GRM7: variants seen among roughly 807,000 people sequenced by gnomAD.
GRM7 encodes the protein metabotropic glutamate receptor 7.
In GRM7, 35 loss-of-function variants were observed where a neutral mutation model predicts 84.5. The observed-to-expected ratio is 0.41, with a 90% confidence interval of 0.32 to 0.55. The LOEUF is 0.55. Ranked by LOEUF, GRM7 falls within the 20% of genes least tolerant of loss-of-function variation. The probability of loss-of-function intolerance (pLI) is 0.19; values close to 1 mark genes in which losing one functional copy is unlikely to be tolerated. For synonymous variants in GRM7, 487 were observed against 455.1 expected (o/e 1.07, Z -0.89); for missense variants, 1,003 against 1,194.6 (o/e 0.84, Z 2.36).
At chr3:7,248,402 C>T (rs1228581899) in intron 2 of GRM7, among the ~76,000 whole-genome samples, 1 of 152,060 alleles carries the variant, frequency 6.6e-6, no homozygotes, top group Admixed American at 6.6e-5. Context: ...CTATGACCTT[C>T]TTGAGCAGCT....
chr3:7,441,746 A>G (rs1280580545), intron 5 of GRM7, among the ~76,000 whole-genome samples: 1 of 152,066 alleles, frequency 6.6e-6, no homozygotes, highest in African/African-American at 2.4e-5. Context: ...TCCTTTTCCC[A>G]TTGGTCATTT....
intron 9 of GRM7, among the ~76,000 whole-genome samples, chr3:7,694,760 T>C (rs1156455637): frequency 6.6e-6 from 1 of 152,184 alleles, no homozygotes; most frequent in Admixed American, 6.5e-5. Flanking sequence ...TACTCAGATA[T>C]TTAAGGAAAC....
intron 1 of GRM7, among the ~76,000 whole-genome samples, chr3:6,878,091 T>C (rs950429089): frequency 6.6e-6 from 1 of 152,170 alleles, no homozygotes; most frequent in African/African-American, 2.4e-5. Context: ...AGTCCAGTTT[T>C]AATCTTTAAT....
At chr3:7,695,762 T>G (rs1197392667) in intron 9 of GRM7, among the ~76,000 whole-genome samples, 1 of 152,174 alleles carries the variant, frequency 6.6e-6, no homozygotes, top group African/African-American at 2.4e-5. Flanking sequence ...TTATTAGGAT[T>G]AGATTAGTTA....
chr3:7,146,634 T>C lies in GRM7; in HGVS notation c.702T>C (p.Gly234=). 6.2e-7 allele frequency: 1 copy of C among 1,613,590 alleles called. No homozygotes were observed. Among genetic ancestry groups the C allele is most frequent in the Non-Finnish European group, 8.5e-7 (1 of 1,179,822 alleles). ...LASEGSYGEK[G]VESFTQISKE... ...CGGAAGGAAGTTATGGAGAGAAAGGTGTGGAGTCCTTCACGCAGATTTCCA... is the reference window on the plus strand; with the variant it reads ...CGGAAGGAAGTTATGGAGAGAAAGGCGTGGAGTCCTTCACGCAGATTTCCA... Residue 234 remains glycine (G), a synonymous_variant, in exon 2 of 10, where the codon GGT becomes GGC. Transcript: ENST00000357716.
intron 1 of GRM7, among the ~76,000 whole-genome samples, chr3:6,892,246 A>T (rs1695985634): frequency 6.6e-6 from 1 of 152,200 alleles, no homozygotes; most frequent in Non-Finnish European, 1.5e-5. Flanking sequence ...GAATGATATG[A>T]GGAAGCAAGG....
At chr3:7,161,426 A>G (rs1043875718) in intron 2 of GRM7, among the ~76,000 whole-genome samples, 2 of 151,638 alleles carry the variant, frequency 1.3e-5, no homozygotes, top group Admixed American at 1.3e-4. Context: ...TGACCTGAAA[A>G]AAAAAAAAAA....
At chr3:6,919,898 G>A (rs771490092) in intron 1 of GRM7, among the ~76,000 whole-genome samples, 12 of 152,244 alleles carry the variant, frequency 7.9e-5, no homozygotes, top group South Asian at 2.1e-4. Flanking sequence ...GCTCAACCAG[G>A]TGAGGTGCTA....
intron 2 of GRM7, among the ~76,000 whole-genome samples, chr3:7,213,089 C>G (rs563843833): frequency 1.3e-5 from 2 of 152,332 alleles, no homozygotes; most frequent in South Asian, 2.1e-4. Context: ...CCCCCATGCT[C>G]TCACTGAGCT....
chr3:7,470,518 T>C (rs917548337), intron 7 of GRM7, among the ~76,000 whole-genome samples: 1 of 152,182 alleles, frequency 6.6e-6, no homozygotes, highest in Non-Finnish European at 1.5e-5. Context: ...TTTCTATGAA[T>C]GTCTGCAAGA....
chr3:7,670,716 A>T (rs1302506484), intron 8 of GRM7, among the ~76,000 whole-genome samples: 1 of 364 alleles, frequency 2.7e-3, no homozygotes, highest in Non-Finnish European at 4.3e-3. Context: ...TGATAAGCTC[A>T]GATTAATTCT....
chr3:7,471,191 G>A (rs775841775), intron 7 of GRM7, among the ~76,000 whole-genome samples: 33 of 146,418 alleles, frequency 2.3e-4, no homozygotes, highest in Middle Eastern at 3.5e-3. Context: ...TCTTGTATTA[G>A]TTTTTTATTG....
intron 1 of GRM7, among the ~76,000 whole-genome samples, chr3:6,896,863 G>T (rs975794238): frequency 9.2e-5 from 14 of 152,096 alleles, no homozygotes; most frequent in Admixed American, 6.6e-4. Context: ...TCCTCACAAA[G>T]AGAATTTATT....
chr3:7,487,685 G>C (rs779730), intron 7 of GRM7, among the ~76,000 whole-genome samples: 32,423 of 152,204 alleles, frequency 0.21, 4,045 homozygotes, highest in Non-Finnish European at 0.27. Context: ...AAGAGAAGTG[G>C]AGGCATAGCA....
At chr3:7,103,841 C>CCTCTCTCTCTCTCTCTGTCTCTCT (rs1448002551) in intron 1 of GRM7, among the ~76,000 whole-genome samples, 2 of 69,950 alleles carry the variant, frequency 2.9e-5, no homozygotes, top group African/African-American at 2.1e-4. Flanking sequence ...TCTCTCTCTC[C>CCTCTCTCTCTCTCTCTGTCTCTCT]CTCTCTCTCT....
chr3:6,924,238 A>G (rs1483549113), intron 1 of GRM7, among the ~76,000 whole-genome samples: 1 of 152,206 alleles, frequency 6.6e-6, no homozygotes, highest in Non-Finnish European at 1.5e-5. Context: ...CCGTTTGAAA[A>G]TATTAGCTAA....
intron 5 of GRM7, among the ~76,000 whole-genome samples, chr3:7,450,519 A>G (rs1030699240): frequency 4.6e-5 from 7 of 152,198 alleles, no homozygotes; most frequent in African/African-American, 1.7e-4. Context: ...ACTGTTAGAC[A>G]TGATTGTTAT....
At chr3:6,947,959 G>T (rs562406792) in intron 1 of GRM7, among the ~76,000 whole-genome samples, 33 of 151,836 alleles carry the variant, frequency 2.2e-4, no homozygotes, top group African/African-American at 7.2e-4. Flanking sequence ...TTCTTTATTA[G>T]TCTTGCTAGC....
chr3:6,989,466 T>C (rs1027918991), intron 1 of GRM7, among the ~76,000 whole-genome samples: 1 of 152,258 alleles, frequency 6.6e-6, no homozygotes. Context: ...TTTTAACTTA[T>C]ATGTTTATGG....
Sources: allele counts gnomAD v4.1 joint callset (sites outside exome capture counted in the v4.1 genomes callset), GRCh38; gene constraint gnomAD v4.1.1; transcripts MANE v1.5; gene names NCBI Gene and HGNC (gene_info 2026-07-23, HGNC 2026-07-21).